The following GPC6 variants were observed in gnomAD, a reference collection of about 807,000 sequenced individuals.
The protein encoded by GPC6 is glypican 6.
Under a neutral mutation model 55.2 loss-of-function variants are expected in GPC6, and 14 were observed. The ratio of observed to expected loss-of-function variants is 0.25; its 90% CI spans 0.17 to 0.40. The LOEUF is 0.40. Among genes scored for constraint, GPC6 ranks in the 10% least tolerant of loss-of-function variants. The probability of loss-of-function intolerance (pLI) is 1.00; values close to 1 mark genes in which losing one functional copy is unlikely to be tolerated. For synonymous variants in GPC6, 278 were observed against 259.6 expected (o/e 1.07, Z -0.68); for missense variants, 641 against 708.5 (o/e 0.90, Z 1.08).
intron 3 of GPC6, among the ~76,000 whole-genome samples, chr13:93,918,751 T>C (rs1009234955): frequency 2.0e-5 from 3 of 152,156 alleles, no homozygotes; most frequent in African/African-American, 4.8e-5. Flanking sequence ...CCATCTCCAT[T>C]AACCTGATCC....
chr13:93,264,162 G>T (rs1566545850), intron 1 of GPC6, among the ~76,000 whole-genome samples: 1 of 152,098 alleles, frequency 6.6e-6, no homozygotes, highest in Non-Finnish European at 1.5e-5. Flanking sequence ...ATTCCCTCAG[G>T]CATCCTTTCT....
intron 4 of GPC6, among the ~76,000 whole-genome samples, chr13:94,155,022 G>A (rs1023522758): frequency 1.3e-5 from 2 of 152,064 alleles, no homozygotes; most frequent in Admixed American, 6.6e-5. Context: ...TGTCCCCAGG[G>A]CACTGCATTG....
At chr13:93,321,595 A>C (rs1879437273) in intron 1 of GPC6, among the ~76,000 whole-genome samples, 1 of 152,242 alleles carries the variant, frequency 6.6e-6, no homozygotes, top group Non-Finnish European at 1.5e-5. Context: ...TCAGAGAATT[A>C]GGGTTGAAAT....
intron 4 of GPC6, among the ~76,000 whole-genome samples, chr13:94,129,220 C>T (rs1886929584): frequency 6.6e-6 from 1 of 152,092 alleles, no homozygotes; most frequent in Non-Finnish European, 1.5e-5. Context: ...TTATCCTAAA[C>T]CACCACTTGA....
At chr13:93,794,928 C>G (rs1886152879) in intron 2 of GPC6, among the ~76,000 whole-genome samples, 2 of 152,204 alleles carry the variant, frequency 1.3e-5, no homozygotes, top group Non-Finnish European at 1.5e-5. Flanking sequence ...CTATATCACT[C>G]TTTTCCATCA....
At chr13:94,321,894 T>C (rs80216727) in intron 6 of GPC6, among the ~76,000 whole-genome samples, 2,123 of 152,306 alleles carry the variant, frequency 0.014, 48 homozygotes, top group African/African-American at 0.044. Context: ...TTTCATGAAC[T>C]ATTTTCACTA....
At chr13:93,907,774 C>A (rs1388139316) in intron 3 of GPC6, among the ~76,000 whole-genome samples, 1 of 152,162 alleles carries the variant, frequency 6.6e-6, no homozygotes, top group African/African-American at 2.4e-5. Context: ...TAATCAGCAT[C>A]AAAATTAAGA....
intron 6 of GPC6, among the ~76,000 whole-genome samples, chr13:94,339,015 T>C (rs140306632): frequency 1.3e-5 from 2 of 152,236 alleles, no homozygotes; most frequent in East Asian, 3.9e-4. Context: ...ATCAGTTAGT[T>C]AAAGGCTATT....
intron 1 of GPC6, among the ~76,000 whole-genome samples, chr13:93,387,459 A>G (rs1299709448): frequency 3.3e-5 from 5 of 152,190 alleles, no homozygotes; most frequent in Non-Finnish European, 7.3e-5. Flanking sequence ...GTTTGCTGAG[A>G]ATGATGGCTT....
chr13:93,624,338 A>C (rs1566455490), intron 2 of GPC6, among the ~76,000 whole-genome samples: 1 of 152,180 alleles, frequency 6.6e-6, no homozygotes, highest in African/African-American at 2.4e-5. Context: ...AGATTGCCTC[A>C]TTTTAAAAGA....
intron 1 of GPC6, among the ~76,000 whole-genome samples, chr13:93,320,648 T>TAC (rs923680946): frequency 5.3e-5 from 8 of 151,816 alleles, no homozygotes; most frequent in East Asian, 1.9e-4. Flanking sequence ...TATATATATA[T>TAC]ACACACACAC....
At chr13:93,384,388 T>TC (rs966220131) in intron 1 of GPC6, among the ~76,000 whole-genome samples, 2 of 151,530 alleles carry the variant, frequency 1.3e-5, no homozygotes, top group Admixed American at 6.6e-5. Flanking sequence ...AAAACCGTTT[T>TC]TTTTTTTTAA....
chr13:93,670,201 G>A (rs1881303802), intron 2 of GPC6, among the ~76,000 whole-genome samples: 1 of 152,116 alleles, frequency 6.6e-6, no homozygotes, highest in African/African-American at 2.4e-5. Flanking sequence ...GTAACAGAGT[G>A]ACACCCAGTA....
intron 1 of GPC6, among the ~76,000 whole-genome samples, chr13:93,383,389 G>T (rs1158533556): frequency 6.6e-6 from 1 of 152,044 alleles, no homozygotes; most frequent in African/African-American, 2.4e-5. Context: ...TTTTTTAAAA[G>T]AGTTTTTTGC....
chr13:94,301,671 C>G (rs1566651360), intron 5 of GPC6, among the ~76,000 whole-genome samples: 1 of 152,168 alleles, frequency 6.6e-6, no homozygotes, highest in Admixed American at 6.5e-5. Context: ...AACTGAGGCT[C>G]AGAGAGGACC....
intron 2 of GPC6, among the ~76,000 whole-genome samples, chr13:93,598,179 T>C (rs1016108713): frequency 2.0e-5 from 3 of 152,068 alleles, no homozygotes; most frequent in African/African-American, 7.2e-5. Flanking sequence ...AAAAGTTATA[T>C]GTGGATTTTT....
intron 2 of GPC6, among the ~76,000 whole-genome samples, chr13:93,589,370 A>G (rs899787860): frequency 1.6e-4 from 24 of 152,204 alleles, no homozygotes; most frequent in African/African-American, 5.8e-4. Flanking sequence ...TTTACTGTAT[A>G]TCTTTCATTA....
chr13:94,027,605 T>A, intron 3 of GPC6, 124 bp from the exon 4 acceptor site: 1 of 842,764 alleles, frequency 1.2e-6, no homozygotes, highest in Non-Finnish European at 2.0e-6. Context: ...TTGGATGGAT[T>A]CAAGATCAGT....
intron 4 of GPC6, among the ~76,000 whole-genome samples, chr13:94,092,377 G>GATC (rs1376626102): frequency 6.6e-6 from 1 of 152,024 alleles, no homozygotes; most frequent in Non-Finnish European, 1.5e-5. Flanking sequence ...ATATAAGTGA[G>GATC]ATCATGCAGT....
Sources: allele counts gnomAD v4.1 joint callset (sites outside exome capture counted in the v4.1 genomes callset), GRCh38; gene constraint gnomAD v4.1.1; transcripts MANE v1.5; gene names NCBI Gene and HGNC (gene_info 2026-07-23, HGNC 2026-07-21).